TEAD1: variants seen among roughly 807,000 people sequenced by gnomAD.
The protein encoded by TEAD1 is TEA domain transcription factor 1, also known as transcriptional enhancer factor TEF-1.
TEAD1 carries 9 observed loss-of-function variants against 54.9 expected under a neutral mutation model. That is an observed-to-expected ratio of 0.16 (90% confidence interval 0.10 to 0.29). The LOEUF (loss-of-function observed/expected upper bound fraction) is 0.29. Among genes scored for constraint, TEAD1 ranks in the 10% least tolerant of loss-of-function variants. The pLI, the probability that TEAD1 is intolerant of heterozygous loss-of-function variation, is 1.00. For missense variants in TEAD1, 387 were observed against 535.9 expected (o/e 0.72, Z 2.74); for synonymous variants, 200 against 187.8 (o/e 1.07, Z -0.53).
chr11:12,751,784 A>G (rs546384534), intron 2 of TEAD1, among the ~76,000 whole-genome samples: 2 of 152,204 alleles, frequency 1.3e-5, no homozygotes, highest in South Asian at 4.1e-4. Flanking sequence ...GAAAGAATGG[A>G]GAAAAAGAAG....
chr11:12,719,584 G>A (rs1016879593), intron 2 of TEAD1, among the ~76,000 whole-genome samples: 3 of 140,302 alleles, frequency 2.1e-5, no homozygotes, highest in Non-Finnish European at 4.7e-5. Context: ...TGGGGGGAGG[G>A]GGGGCGGGGG....
intron 2 of TEAD1, among the ~76,000 whole-genome samples, chr11:12,748,016 C>T (rs1220810685): frequency 3.3e-5 from 5 of 150,744 alleles, no homozygotes; most frequent in African/African-American, 9.8e-5. Flanking sequence ...GGCTGGAGTG[C>T]AGTGGCGCGA....
intron 2 of TEAD1, among the ~76,000 whole-genome samples, chr11:12,687,918 G>A (rs1389198462): frequency 1.3e-5 from 2 of 152,178 alleles, no homozygotes; most frequent in Non-Finnish European, 2.9e-5. Flanking sequence ...TATTCTCTAG[G>A]TGGGTGTAGT....
At chr11:12,893,340 C>T (rs1348848954) in intron 9 of TEAD1, among the ~76,000 whole-genome samples, 1 of 152,206 alleles carries the variant, frequency 6.6e-6, no homozygotes, top group Non-Finnish European at 1.5e-5. Context: ...CCCCATGCCC[C>T]TCACAGTCCT....
intron 3 of TEAD1, among the ~76,000 whole-genome samples, chr11:12,844,948 G>A (rs1468688819): frequency 7.1e-6 from 1 of 141,488 alleles, no homozygotes; most frequent in Non-Finnish European, 1.5e-5. Context: ...CCTGATTGAC[G>A]TGTATGAAAT....
chr11:12,810,957 C>T (rs150879184), intron 3 of TEAD1, among the ~76,000 whole-genome samples: 11 of 152,284 alleles, frequency 7.2e-5, no homozygotes, highest in African/African-American at 1.2e-4. Context: ...GAATGCTCCA[C>T]GGCTATAGAG....
chr11:12,844,959 CTTTTTTTTTTTTTTT>C (rs3046338), intron 3 of TEAD1, among the ~76,000 whole-genome samples: 1 of 64,658 alleles, frequency 1.5e-5, no homozygotes, highest in Non-Finnish European at 2.6e-5. Context: ...TGTATGAAAT[CTTTTTTTTTTTTTTT>C]TTTTTTTTTG....
intron 9 of TEAD1, among the ~76,000 whole-genome samples, chr11:12,893,097 C>G (rs1948231590): frequency 6.6e-6 from 1 of 152,226 alleles, no homozygotes; most frequent in African/African-American, 2.4e-5. Flanking sequence ...CCTAGATATT[C>G]TAACCCAGGT....
At position 12,942,262 on chromosome 11, in the gene TEAD1, A is replaced by G. The variant is rs1171985033; in HGVS notation, c.*5040A>G. ...GATTCCAGCTTAGAAAAGTGCTGCCATAATAACGATAATTTGTAGAGAGAC... is the reference window on the plus strand; with the variant it reads ...GATTCCAGCTTAGAAAAGTGCTGCCGTAATAACGATAATTTGTAGAGAGAC... On this transcript the variant is annotated 3_prime_UTR_variant, in exon 13 of 13. Coordinates refer to ENST00000527636, the MANE Select transcript of TEAD1 (RefSeq NM_021961.6). 1 of 152,676 alleles carries G rather than the reference A, an allele frequency of 6.5e-6. No individual in the cohort carries two copies. Among genetic ancestry groups the G allele is most frequent in the Non-Finnish European group, 1.5e-5 (1 of 68,040 alleles). The allele number at this position is 152,676 out of a possible 1,614,324, so 9.5% of individuals were successfully genotyped here.
intron 12 of TEAD1, among the ~76,000 whole-genome samples, chr11:12,935,094 A>G (rs947070170): frequency 6.6e-6 from 1 of 152,198 alleles, no homozygotes; most frequent in Admixed American, 6.5e-5. Flanking sequence ...GTTCTGATGC[A>G]GGAGGCAGGC....
Position 12,939,886 on chromosome 11 carries a change from A to G in TEAD1, c.*2664A>G, listed in dbSNP as rs1055211713. 1.3e-5 allele frequency: 2 copies of G among 152,048 alleles called. No homozygotes were observed. Among genetic ancestry groups the G allele is most frequent in the African/African-American group, 4.8e-5 (2 of 41,386 alleles). The allele number at this position is 152,048 out of a possible 1,614,324, so 9.4% of individuals were successfully genotyped here. ...GGTGAGATTGGCATCACAACATCTA[A>G]TCTGAGTCTGTCTTTTGTCCTTCAT... is the stretch of plus-strand genomic sequence containing the variant. On this transcript the variant is annotated 3_prime_UTR_variant, in exon 13 of 13. Coordinates refer to ENST00000527636, the MANE Select transcript of TEAD1 (RefSeq NM_021961.6).
chr11:12,841,455 G>T (rs1231800014), intron 3 of TEAD1, among the ~76,000 whole-genome samples: 3 of 152,166 alleles, frequency 2.0e-5, no homozygotes, highest in Admixed American at 2.0e-4. Context: ...AGTTTTTCTC[G>T]ATTATTTTTC....
intron 11 of TEAD1, among the ~76,000 whole-genome samples, chr11:12,925,323 GA>G (rs1948885955): frequency 6.6e-6 from 1 of 152,178 alleles, no homozygotes; most frequent in Admixed American, 6.5e-5. Flanking sequence ...AGGTGAAGGG[GA>G]AGCAAGGCAC....
At chr11:12,887,743 T>G (rs1472606718) in intron 9 of TEAD1, among the ~76,000 whole-genome samples, 1 of 152,202 alleles carries the variant, frequency 6.6e-6, no homozygotes, top group Non-Finnish European at 1.5e-5. Flanking sequence ...ACAGAAACAT[T>G]AAGGCCATCT....
chr11:12,925,435 G>A (rs1948887616), intron 11 of TEAD1, among the ~76,000 whole-genome samples: 1 of 152,184 alleles, frequency 6.6e-6, no homozygotes, highest in African/African-American at 2.4e-5. Context: ...GAACAGCCTG[G>A]GGGCCACCTG....
intron 3 of TEAD1, among the ~76,000 whole-genome samples, chr11:12,828,890 C>G (rs1257320769): frequency 6.7e-6 from 1 of 149,150 alleles, no homozygotes; most frequent in East Asian, 2.0e-4. Context: ...GTTTTGGGGA[C>G]AAGTTGGAGT....
At chr11:12,853,411 C>A (rs990972659) in intron 3 of TEAD1, among the ~76,000 whole-genome samples, 15 of 152,040 alleles carry the variant, frequency 9.9e-5, no homozygotes, top group Non-Finnish European at 1.8e-4. Flanking sequence ...CTTGGAAGGT[C>A]TTATAACTGA....
At chr11:12,819,395 A>G (rs960473255) in intron 3 of TEAD1, among the ~76,000 whole-genome samples, 1 of 151,786 alleles carries the variant, frequency 6.6e-6, no homozygotes, top group Admixed American at 6.6e-5. Flanking sequence ...TAAACAGTCC[A>G]TTTATGCCTT....
chr11:12,768,130 T>A (rs922113972), intron 3 of TEAD1, among the ~76,000 whole-genome samples: 6 of 152,214 alleles, frequency 3.9e-5, no homozygotes, highest in Non-Finnish European at 7.3e-5. Context: ...GGTTGCTTGC[T>A]GTAGAGGCAG....
Sources: allele counts gnomAD v4.1 joint callset (sites outside exome capture counted in the v4.1 genomes callset), GRCh38; gene constraint gnomAD v4.1.1; transcripts MANE v1.5; gene names NCBI Gene and HGNC (gene_info 2026-07-23, HGNC 2026-07-21).